The following ZFAND1 variants were observed in gnomAD, a reference collection of about 807,000 sequenced individuals.
ZFAND1 encodes the protein AN1-type zinc finger protein 1.
In ZFAND1, 40 loss-of-function variants were observed where a neutral mutation model predicts 38.5. The ratio of observed to expected loss-of-function variants is 1.04; its 90% CI spans 0.81 to 1.35. The LOEUF is 1.35. ZFAND1 is among the 40% of genes most tolerant of loss of function. ZFAND1 has a pLI of 0.00. For synonymous variants in ZFAND1, 117 were observed against 103.6 expected, an observed-to-expected ratio of 1.13 and a Z score of -0.78; for missense variants, 346 against 316.3, an observed-to-expected ratio of 1.09 and a Z score of -0.71.
chr8:81,714,405 C>G (rs1585927217), intron 5 of ZFAND1: 3 of 241,684 alleles, frequency 1.2e-5, no homozygotes, highest in Non-Finnish European at 2.4e-5. Flanking sequence ...TACTGGCAGG[C>G]AGACTGATTT....
chr8:81,716,140 T>C (rs993479638), intron 3 of ZFAND1, among the ~76,000 whole-genome samples: 1 of 152,232 alleles, frequency 6.6e-6, no homozygotes, highest in Admixed American at 6.5e-5. Flanking sequence ...AATAACTTTC[T>C]ATAACTGAGA....
intron 3 of ZFAND1, among the ~76,000 whole-genome samples, chr8:81,715,471 C>T (rs760483173): frequency 2.0e-5 from 3 of 152,106 alleles, no homozygotes; most frequent in Non-Finnish European, 2.9e-5. Flanking sequence ...CTAATTTCCA[C>T]ACTAATTTTA....
intron 2 of ZFAND1, among the ~76,000 whole-genome samples, 170 bp downstream of exon 2, chr8:81,718,012 T>A (rs1808365970): frequency 6.6e-6 from 1 of 151,878 alleles, no homozygotes; most frequent in African/African-American, 2.4e-5. Context: ...TTTGGAAGTT[T>A]AAAAATCAGT....
chr8:81,721,168 C>A, intron 1 of ZFAND1, 59 bp downstream of exon 1: 1 of 1,539,352 alleles, frequency 6.5e-7, no homozygotes, highest in Non-Finnish European at 8.7e-7. Context: ...ATCCGCGGAG[C>A]CAAAGCGGAG....
chr8:81,719,129 GAAT>G (rs1808397550), intron 1 of ZFAND1, among the ~76,000 whole-genome samples: 1 of 151,986 alleles, frequency 6.6e-6, no homozygotes, highest in South Asian at 2.1e-4. Context: ...TAATTAATAA[GAAT>G]AATACAACAA....
chr8:81,712,423 A>G (rs183769935), intron 6 of ZFAND1, among the ~76,000 whole-genome samples: 2 of 152,224 alleles, frequency 1.3e-5, no homozygotes. Flanking sequence ...GAGAAGAGAA[A>G]ATCTGCAGAA....
intron 6 of ZFAND1, among the ~76,000 whole-genome samples, chr8:81,707,078 A>C (rs962671408): frequency 6.6e-6 from 1 of 152,208 alleles, no homozygotes; most frequent in African/African-American, 2.4e-5. Flanking sequence ...TCCAGTGTGA[A>C]TCCTTCAGGA....
At chr8:81,708,750 G>A in intron 6 of ZFAND1, 1 of 1,164,804 alleles carries the variant, frequency 8.6e-7, no homozygotes, top group Non-Finnish European at 1.1e-6. Flanking sequence ...GGCCACAAGA[G>A]GCAGTATACG....
chr8:81,720,984 G>T (rs1563612343), intron 1 of ZFAND1: 1 of 544,180 alleles, frequency 1.8e-6, no homozygotes, highest in Non-Finnish European at 3.3e-6. Context: ...CGCTCCTCAG[G>T]CCCTGCCTCA....
chr8:81,715,609 C>T lies in ZFAND1; in HGVS notation c.139-495G>A, dbSNP rs186375111. ...TATGCCCTATTTCATATTTTTATTA[C>T]CAGCAAATACTCCACTACAGGAAGA... On this transcript the variant is annotated intron_variant, in intron 3 of 7. Transcript: ENST00000220669. Among the ~76,000 whole-genome samples, 51 of 151,356 alleles carry T rather than the reference C, an allele frequency of 3.4e-4. No homozygotes were observed. In the East Asian group the frequency reaches 9.7e-3, roughly 29 times the overall value.
chr8:81,703,076 T>C lies in ZFAND1; in HGVS notation c.529A>G (p.Lys177Glu). 6.4e-7 allele frequency: 1 copy of C among 1,574,148 alleles called. No homozygotes were observed. Among genetic ancestry groups the C allele is most frequent in the East Asian group, 2.3e-5 (1 of 43,956 alleles). The change falls in exon 7 of 8, where the codon AAG becomes GAG. Residue 177 changes from lysine to glutamate, a missense_variant. By Grantham distance (56) the Lys-to-Glu change is moderately conservative. Coordinates refer to ENST00000220669, the MANE Select transcript of ZFAND1 (RefSeq NM_024699.3). ...TGGCAAAAGAACATTGGTTTGCTCT[T>C]CTCTTTGCTCCCTTTAGGTAAGAAA... The part of the protein sequence containing the change: ...QVFLPKGSKE[K>E]SKPMFFCHRW...
Position 81,717,260 on chromosome 8 carries a change from C to A in ZFAND1, c.127G>T (p.Gly43Cys), listed in dbSNP as rs760273674. The A allele has an allele frequency of 1.9e-6, 3 of 1,544,850 alleles. No individual in the cohort carries two copies. The highest frequency in any genetic ancestry group is 1.4e-5 in the African/African-American group (1 of 70,524). Residue 43 changes from glycine (G) to cysteine (C), a missense_variant, in exon 3 of 8, where the codon GGT (glycine) becomes TGT (cysteine). Coordinates refer to ENST00000220669, the MANE Select transcript of ZFAND1 (RefSeq NM_024699.3). ...AAATACTAACATACCTCAGGACAAC[C>A]ATGAGACTCCCTGCTTCTGTGTTCA... ...CLEHRSRESHGCPEVTVINER... is the reference protein window; with the variant it reads ...CLEHRSRESHCCPEVTVINER...
intron 6 of ZFAND1, among the ~76,000 whole-genome samples, chr8:81,703,850 T>C (rs1807886869): frequency 6.6e-6 from 1 of 152,160 alleles, no homozygotes; most frequent in South Asian, 2.1e-4. Flanking sequence ...GAGGTCAATG[T>C]AGAAAGAGAA....
chr8:81,707,116 G>C (rs1315469948), intron 6 of ZFAND1, among the ~76,000 whole-genome samples: 1 of 152,192 alleles, frequency 6.6e-6, no homozygotes, highest in Non-Finnish European at 1.5e-5. Flanking sequence ...CAAAAGCCTA[G>C]ACTTGCTAGT....
Position 81,702,594 on chromosome 8 carries a change from C to G in ZFAND1, c.*101G>C, listed in dbSNP as rs967801185. The G allele has an allele frequency of 1.9e-6, 2 of 1,028,476 alleles. No homozygotes were observed. Among genetic ancestry groups the G allele is most frequent in the Non-Finnish European group, 2.6e-6 (2 of 772,124 alleles). 63.7% of individuals were successfully genotyped at this position (1,028,476 alleles called of 1,614,324 possible). On this transcript the variant is annotated 3_prime_UTR_variant, in exon 8 of 8. Coordinates refer to ENST00000220669, the MANE Select transcript of ZFAND1 (RefSeq NM_024699.3). ...ACATAAGGGGAAATAAGTTAAAAAG[C>G]AACTTTTAAAAATTACAAAAATAGT...
intron 1 of ZFAND1, 199 bp downstream of exon 1, chr8:81,721,028 C>G: frequency 1.7e-6 from 1 of 587,656 alleles, no homozygotes; most frequent in Non-Finnish European, 3.0e-6. Context: ...GGAGACCACA[C>G]GTCATTTCAA....
At position 81,702,751 on chromosome 8, in the gene ZFAND1, C is replaced by G; in HGVS notation, c.751G>C (p.Glu251Gln). 4 of 1,596,872 alleles carry G rather than the reference C, an allele frequency of 2.5e-6. No individual in the cohort carries two copies. Among genetic ancestry groups the G allele is most frequent in the Non-Finnish European group, 3.4e-6 (4 of 1,173,134 alleles). Residue 251 changes from glutamate to glutamine, a missense_variant, in exon 8 of 8, where the codon GAA becomes CAA. Glu to Gln is a conservative substitution (Grantham distance 29, BLOSUM62 2). Transcript: ENST00000220669. The stretch of plus-strand genomic sequence containing the variant: ...AATTGTTCTTCATCATTAAGATATT[C>G]CAAGATTATATTTCCACCATTATAT... ...PLYNGGNIIL[E>Q]YLNDEEQFCK...
chr8:81,710,932 T>C (rs1452995657), intron 6 of ZFAND1, among the ~76,000 whole-genome samples: 1 of 152,112 alleles, frequency 6.6e-6, no homozygotes, highest in Non-Finnish European at 1.5e-5. Flanking sequence ...CATATACATA[T>C]GGTACATATA....
intron 6 of ZFAND1, among the ~76,000 whole-genome samples, chr8:81,705,103 A>T (rs549526593): frequency 6.6e-6 from 1 of 152,178 alleles, no homozygotes; most frequent in Non-Finnish European, 1.5e-5. Context: ...CCACAGGGAG[A>T]TAAGTATAAA....
Sources: gnomAD v4.1 joint callset for allele counts (sites outside exome capture counted in the v4.1 genomes callset) on GRCh38, gnomAD v4.1.1 for gene constraint, MANE v1.5 for transcripts, NCBI Gene and HGNC (gene_info 2026-07-23, HGNC 2026-07-21) for gene names.